NDUFA10: variants seen among roughly 807,000 people sequenced by gnomAD.
NDUFA10 encodes NADH:ubiquinone oxidoreductase subunit A10.
Under a neutral mutation model 47.8 loss-of-function variants are expected in NDUFA10, and 40 were observed. The ratio of observed to expected loss-of-function variants is 0.84; its 90% CI spans 0.65 to 1.09. The LOEUF is 1.09. Ranked by LOEUF, NDUFA10 falls within the 50% of genes least tolerant of loss-of-function variation. NDUFA10 has a pLI of 0.00. For synonymous variants in NDUFA10, 183 were observed against 172.2 expected (o/e 1.06, Z -0.49); for missense variants, 413 against 451.1 (o/e 0.92, Z 0.76).
intron 8 of NDUFA10, among the ~76,000 whole-genome samples, chr2:239,993,067 A>G (rs1481568800): frequency 2.0e-5 from 3 of 152,226 alleles, no homozygotes; most frequent in Non-Finnish European, 4.4e-5. Context: ...AGAAAAAAGG[A>G]CAAAGCCATT....
downstream of NDUFA10, among the ~76,000 whole-genome samples, chr2:239,952,791 ACG>A (rs998222930): frequency 1.7e-4 from 26 of 152,360 alleles, no homozygotes; most frequent in Non-Finnish European, 3.2e-4. Flanking sequence ...CCCACGGCAG[ACG>A]CGAGGCTCTG....
chr2:239,938,987 T>C (rs1351623652), intron 4 of NDUFA10, among the ~76,000 whole-genome samples: 1 of 152,142 alleles, frequency 6.6e-6, no homozygotes, highest in African/African-American at 2.4e-5. Flanking sequence ...GGCCCCGCAA[T>C]GCTCAGCCGT....
chr2:240,008,553 G>C (rs1697027313), intron 6 of NDUFA10, among the ~76,000 whole-genome samples: 1 of 152,220 alleles, frequency 6.6e-6, no homozygotes, highest in South Asian at 2.1e-4. Flanking sequence ...GTGTATAGGA[G>C]ACAGAGGTCT....
At chr2:239,950,774 C>T (rs1432926989) in intron 4 of NDUFA10, among the ~76,000 whole-genome samples, 1 of 152,206 alleles carries the variant, frequency 6.6e-6, no homozygotes, top group Admixed American at 6.5e-5. Context: ...GCTGTGCAGA[C>T]CCCTGCTCGT....
intron 4 of NDUFA10, among the ~76,000 whole-genome samples, chr2:239,923,286 T>C (rs1028313404): frequency 2.0e-5 from 3 of 152,192 alleles, no homozygotes; most frequent in African/African-American, 7.2e-5. Flanking sequence ...GCATAAAAAC[T>C]GAGCACTATC....
At chr2:239,955,555 G>T (rs1172860441), downstream of NDUFA10, among the ~76,000 whole-genome samples, 1 of 152,190 alleles carries the variant, frequency 6.6e-6, no homozygotes, top group Non-Finnish European at 1.5e-5. Flanking sequence ...GGAGAGCCCA[G>T]GACACGGGGG....
chr2:239,967,452 T>G (rs1258644739), intron 9 of NDUFA10, among the ~76,000 whole-genome samples: 1 of 152,212 alleles, frequency 6.6e-6, no homozygotes, highest in African/African-American at 2.4e-5. Context: ...TGAGAGGCTG[T>G]GTGGCCCGCA....
rs1426221557 is a variant in NDUFA10, at chr2:239,972,626, T to C, written c.1000-11440A>G. 1.1e-4 allele frequency among the ~76,000 whole-genome samples: 16 copies of C among 152,198 alleles called. 1 individual carries two copies. Among genetic ancestry groups the C allele is most frequent in the Admixed American group, 1.0e-3 (16 of 15,280 alleles). On this transcript the variant is annotated intron_variant, in intron 9 of 9. Coordinates refer to ENST00000252711, the MANE Select transcript of NDUFA10 (RefSeq NM_004544.4). ...AATTGGCATAAATTTTCAAAAAATC[T>C]TTTAACAGTCAACTTTCAAAAACCA...
At chr2:239,916,425 C>G (rs1693881867) in intron 4 of NDUFA10, among the ~76,000 whole-genome samples, 1 of 152,024 alleles carries the variant, frequency 6.6e-6, no homozygotes, top group African/African-American at 2.4e-5. Flanking sequence ...CGCACACACA[C>G]AGACACAGAC....
intron 4 of NDUFA10, among the ~76,000 whole-genome samples, chr2:239,948,660 G>A (rs1694497801): frequency 6.6e-6 from 1 of 152,222 alleles, no homozygotes; most frequent in African/African-American, 2.4e-5. Context: ...CCAAATACAA[G>A]GACAAACTAG....
chr2:239,894,760 C>A (rs1693360038), intron 5 of NDUFA10, among the ~76,000 whole-genome samples: 1 of 152,078 alleles, frequency 6.6e-6, no homozygotes, highest in East Asian at 1.9e-4. Context: ...TCTCCTTGAC[C>A]CTCGCCTCTT....
At chr2:239,979,216 C>T (rs1695662052) in intron 9 of NDUFA10, among the ~76,000 whole-genome samples, 2 of 152,322 alleles carry the variant, frequency 1.3e-5, no homozygotes, top group South Asian at 4.1e-4. Flanking sequence ...ACCAAAGTTC[C>T]TTTGTTACAA....
At chr2:240,009,221 G>A (rs1697052885) in intron 6 of NDUFA10, among the ~76,000 whole-genome samples, 2 of 152,202 alleles carry the variant, frequency 1.3e-5, no homozygotes, top group African/African-American at 4.8e-5. Flanking sequence ...TGGTCACTCA[G>A]TGCTCCTCTT....
At chr2:239,993,839 T>C (rs935335719) in intron 8 of NDUFA10, among the ~76,000 whole-genome samples, 1 of 151,852 alleles carries the variant, frequency 6.6e-6, no homozygotes, top group Non-Finnish European at 1.5e-5. Flanking sequence ...CAAGCTAGGA[T>C]TATGGTTGAC....
intron 4 of NDUFA10, among the ~76,000 whole-genome samples, chr2:239,930,933 C>T (rs112209789): frequency 5.1e-5 from 3 of 58,656 alleles, no homozygotes; most frequent in Non-Finnish European, 7.0e-5. Context: ...TCCTGGTGGA[C>T]GGGTACAGCA....
intron 9 of NDUFA10, among the ~76,000 whole-genome samples, chr2:239,984,817 G>A (rs756573511): frequency 6.6e-6 from 1 of 152,242 alleles, no homozygotes; most frequent in East Asian, 1.9e-4. Flanking sequence ...GGTCCCACCA[G>A]CAGAGCCGGG....
intron 9 of NDUFA10, among the ~76,000 whole-genome samples, chr2:239,966,010 C>T (rs1390406963): frequency 1.3e-5 from 2 of 152,172 alleles, no homozygotes; most frequent in Non-Finnish European, 2.9e-5. Flanking sequence ...AGGAAGTTTA[C>T]TGAAGGGAAA....
At chr2:239,918,178 C>A (rs1382827628) in intron 4 of NDUFA10, among the ~76,000 whole-genome samples, 1 of 152,176 alleles carries the variant, frequency 6.6e-6, no homozygotes, top group Non-Finnish European at 1.5e-5. Context: ...AAGGAGGGTG[C>A]CACAGATGGA....
intron 9 of NDUFA10, among the ~76,000 whole-genome samples, chr2:239,982,840 T>G (rs919205434): frequency 6.6e-6 from 1 of 152,222 alleles, no homozygotes; most frequent in African/African-American, 2.4e-5. Context: ...TTAACGTGTT[T>G]TTAGAGCAAC....
Sources: gnomAD v4.1 joint callset for allele counts (sites outside exome capture counted in the v4.1 genomes callset) on GRCh38, gnomAD v4.1.1 for gene constraint, MANE v1.5 for transcripts, NCBI Gene and HGNC (gene_info 2026-07-23, HGNC 2026-07-21) for gene names.